Variants in RSRC1 observed in about 807,000 individuals in gnomAD.
The protein encoded by RSRC1 is serine/Arginine-related protein 53.
Under a neutral mutation model 49.1 loss-of-function variants are expected in RSRC1, and 39 were observed. The observed-to-expected ratio is 0.79, with a 90% CI of 0.61 to 1.04. RSRC1 has a LOEUF of 1.04. Ranked by LOEUF, RSRC1 falls within the 50% of genes least tolerant of loss-of-function variation. The pLI, the probability that RSRC1 is intolerant of heterozygous loss-of-function variation, is 0.00. For synonymous variants in RSRC1, 143 were observed against 130.8 expected (o/e 1.09, Z -0.63); for missense variants, 388 against 402.4 (o/e 0.96, Z 0.31).
chr3:158,485,636 G>T (rs1347298679), intron 7 of RSRC1, among the ~76,000 whole-genome samples: 1 of 151,996 alleles, frequency 6.6e-6, no homozygotes, highest in Non-Finnish European at 1.5e-5. Flanking sequence ...TCCTACATAT[G>T]ACACTGACTG....
At chr3:158,416,336 T>A (rs1560032519) in intron 6 of RSRC1, among the ~76,000 whole-genome samples, 1 of 152,072 alleles carries the variant, frequency 6.6e-6, no homozygotes, top group Admixed American at 6.6e-5. Context: ...AATCTGGCTT[T>A]GTGACTACTT....
rs182979139 is a variant in RSRC1, at chr3:158,245,431, C to T, written c.494+42186C>T. On this transcript the variant is annotated intron_variant, in intron 4 of 9. Transcript: ENST00000611884. ...TTTGCGTTTGCTGAGAAGTGTTTTA[C>T]TTCCGAATATGTGGTTAATTTTAGA... Among the ~76,000 whole-genome samples, 106 of 152,272 alleles carry T rather than the reference C, an allele frequency of 7.0e-4. 1 individual carries two copies. The highest frequency in any genetic ancestry group is 3.4e-3 in the Middle Eastern group (1 of 294).
chr3:158,231,806 A>T (rs1722978498), intron 4 of RSRC1, among the ~76,000 whole-genome samples: 1 of 152,124 alleles, frequency 6.6e-6, no homozygotes, highest in South Asian at 2.1e-4. Flanking sequence ...TTACATGTCT[A>T]TTTAATTTTC....
chr3:158,177,513 A>G (rs1719299402), intron 3 of RSRC1, among the ~76,000 whole-genome samples: 2 of 152,116 alleles, frequency 1.3e-5, no homozygotes, highest in Admixed American at 1.3e-4. Flanking sequence ...GAAGCTGGAA[A>G]CCATCATTCT....
intron 7 of RSRC1, chr3:158,469,789 T>C (rs144784831): frequency 1.3e-5 from 2 of 152,288 alleles, no homozygotes; most frequent in Non-Finnish European, 2.9e-5. Context: ...GAAGTAAAAC[T>C]ATTCTGCCTT....
At chr3:158,353,337 A>G (rs1448841761) in intron 5 of RSRC1, among the ~76,000 whole-genome samples, 1 of 152,178 alleles carries the variant, frequency 6.6e-6, no homozygotes, top group East Asian at 1.9e-4. Context: ...TTCATCTTCC[A>G]TGGCAGGGGT....
At chr3:158,287,166 A>G (rs1236929120) in intron 4 of RSRC1, among the ~76,000 whole-genome samples, 1 of 152,154 alleles carries the variant, frequency 6.6e-6, no homozygotes, top group Non-Finnish European at 1.5e-5. Flanking sequence ...AATAGGATAT[A>G]TTTATGACCT....
At chr3:158,206,192 C>T (rs1278837783) in intron 4 of RSRC1, among the ~76,000 whole-genome samples, 1 of 152,178 alleles carries the variant, frequency 6.6e-6, no homozygotes, top group African/African-American at 2.4e-5. Context: ...TTATACTTCT[C>T]ACAGGCTAGT....
intron 7 of RSRC1, among the ~76,000 whole-genome samples, chr3:158,535,810 T>C (rs1458659305): frequency 1.3e-5 from 2 of 151,472 alleles, no homozygotes; most frequent in Non-Finnish European, 3.0e-5. Context: ...CTCATAATGA[T>C]CATCTTTGGT....
At chr3:158,462,020 A>G (rs1387384347) in intron 7 of RSRC1, among the ~76,000 whole-genome samples, 1 of 150,254 alleles carries the variant, frequency 6.7e-6, no homozygotes, top group Admixed American at 6.6e-5. Flanking sequence ...AAAACTGTAG[A>G]TTTAAGTGGC....
At chr3:158,118,413 CTGTGTGTGTGTGTGTG>C (rs57257889) in intron 1 of RSRC1, among the ~76,000 whole-genome samples, 26 of 90,134 alleles carry the variant, frequency 2.9e-4, no homozygotes, top group East Asian at 1.0e-3. Context: ...ACCTGGCCTT[CTGTGTGTGTGTGTGTG>C]TGTGTGTGTG....
chr3:158,532,068 A>C (rs1249835334), intron 7 of RSRC1, among the ~76,000 whole-genome samples: 3 of 151,914 alleles, frequency 2.0e-5, no homozygotes, highest in Non-Finnish European at 4.4e-5. Context: ...GAGCTAATTT[A>C]ATATGAAAAT....
intron 6 of RSRC1, among the ~76,000 whole-genome samples, chr3:158,361,258 G>A (rs984516908): frequency 1.4e-4 from 22 of 152,278 alleles, no homozygotes; most frequent in African/African-American, 3.8e-4. Context: ...TCAGCAGGAC[G>A]GCTGTGTTGC....
intron 3 of RSRC1, among the ~76,000 whole-genome samples, chr3:158,145,867 C>G (rs1717066386): frequency 6.6e-6 from 1 of 152,074 alleles, no homozygotes; most frequent in South Asian, 2.1e-4. Flanking sequence ...AAGTTGGATT[C>G]CTAGGTATTT....
chr3:158,541,499 T>G (rs1713030305), intron 8 of RSRC1, among the ~76,000 whole-genome samples: 1 of 152,222 alleles, frequency 6.6e-6, no homozygotes, highest in Non-Finnish European at 1.5e-5. Flanking sequence ...CAATTAGTAG[T>G]GCTCAATAAA....
chr3:158,380,625 A>G (rs1243465069), intron 6 of RSRC1, among the ~76,000 whole-genome samples: 3 of 152,048 alleles, frequency 2.0e-5, no homozygotes, highest in Admixed American at 1.3e-4. Context: ...TTAGATATAT[A>G]GTTTGGTATA....
chr3:158,268,278 C>T (rs536138713), intron 4 of RSRC1, among the ~76,000 whole-genome samples: 1 of 152,266 alleles, frequency 6.6e-6, no homozygotes, highest in Non-Finnish European at 1.5e-5. Context: ...TTTAAAAACG[C>T]ATCAAAGGTA....
At chr3:158,173,813 T>G (rs1022307981) in intron 3 of RSRC1, among the ~76,000 whole-genome samples, 1 of 151,980 alleles carries the variant, frequency 6.6e-6, no homozygotes, top group Non-Finnish European at 1.5e-5. Flanking sequence ...ATGACATGAA[T>G]GGACTTGAAA....
intron 6 of RSRC1, among the ~76,000 whole-genome samples, chr3:158,371,231 A>G (rs1262824947): frequency 1.3e-5 from 2 of 151,882 alleles, no homozygotes; most frequent in African/African-American, 4.8e-5. Context: ...TTTCTTAACA[A>G]TGTTTTTTAA....
Sources: allele counts gnomAD v4.1 joint callset (sites outside exome capture counted in the v4.1 genomes callset), GRCh38; gene constraint gnomAD v4.1.1; transcripts MANE v1.5; gene names NCBI Gene and HGNC (gene_info 2026-07-23, HGNC 2026-07-21).